CENPE: variants seen among roughly 807,000 people sequenced by gnomAD.
CENPE encodes centromere-associated protein E.
A neutral mutation model predicts 336.1 loss-of-function variants in CENPE; 145 were observed. That is an observed-to-expected ratio of 0.43 (90% confidence interval 0.38 to 0.50). CENPE has a LOEUF of 0.50. Ranked by LOEUF, CENPE falls within the 20% of genes least tolerant of loss-of-function variation. The probability of loss-of-function intolerance (pLI) is 0.00; values close to 1 mark genes in which losing one functional copy is unlikely to be tolerated. For missense variants in CENPE, 2,719 were observed against 3,023.3 expected (o/e 0.90, Z 2.36); for synonymous variants, 1,013 against 984.8 (o/e 1.03, Z -0.54).
chr4:103,114,901 G>T (rs1749943456), intron 45 of CENPE, among the ~76,000 whole-genome samples: 2 of 152,176 alleles, frequency 1.3e-5, no homozygotes, highest in Non-Finnish European at 2.9e-5. Context: ...GGTATAAGGA[G>T]CATGAAAGAG....
intron 14 of CENPE, 87 bp from the exon 15 acceptor site, chr4:103,176,135 T>A (rs1362737546): frequency 2.6e-5 from 19 of 722,226 alleles, no homozygotes; most frequent in Non-Finnish European, 3.7e-5. Context: ...AAAATTCTTA[T>A]CAGAGATACT....
At chr4:103,127,874 A>C (rs1751264241) in intron 42 of CENPE, among the ~76,000 whole-genome samples, 1 of 152,176 alleles carries the variant, frequency 6.6e-6, no homozygotes. Flanking sequence ...ACAAAGAATA[A>C]GGGCAAAAAA....
Position 103,145,104 on chromosome 4 carries a change from G to A in CENPE, c.4803C>T (p.Ala1601=), listed in dbSNP as rs376664769. ...EKEEMKRVQE[A]LQIERDQLKE... ...TCAGTTGGTCTCTCTCTATCTGAAG[G>A]GCCTCCTGTACTCTTTTCATTTCCT... Residue 1601 remains alanine, a synonymous_variant, in exon 32 of 49, where the codon GCC becomes GCT. Coordinates refer to ENST00000265148, the MANE Select transcript of CENPE (RefSeq NM_001813.3). 6.3e-6 allele frequency: 10 copies of A among 1,590,948 alleles called. No individual in the cohort carries two copies. The highest frequency in any genetic ancestry group is 1.4e-5 in the African/African-American group (1 of 73,136).
chr4:103,183,379 G>A, intron 9 of CENPE, 91 bp from the exon 10 acceptor site: 1 of 963,396 alleles, frequency 1.0e-6, no homozygotes, highest in Non-Finnish European at 1.6e-6. Flanking sequence ...AGAAATTAGA[G>A]GGCAGATGCT....
chr4:103,197,183 A>G (rs1391364195), intron 1 of CENPE, among the ~76,000 whole-genome samples: 1 of 152,218 alleles, frequency 6.6e-6, no homozygotes, highest in Non-Finnish European at 1.5e-5. Context: ...GCAGGGCACG[A>G]GTCCTAGATC....
rs764998690 is a variant in CENPE, at chr4:103,140,431, A to C, written c.5755-17T>G. On this transcript the variant is annotated splice_polypyrimidine_tract_variant and intron_variant, in intron 36 of 48. Transcript: ENST00000265148. ...TTCCAGATCCTTTATGGTTAGAAGA[A>C]ATCAAGAAATGTAATGATATAAAGG... 8 of 1,523,016 alleles carry C rather than the reference A, an allele frequency of 5.3e-6. No homozygotes were observed. The highest frequency in any genetic ancestry group is 6.2e-6 in the Non-Finnish European group (7 of 1,132,316). The allele number at this position is 1,523,016 out of a possible 1,614,324, so 94.3% of individuals were successfully genotyped here.
At chr4:103,128,469 T>G (rs1751320540) in intron 42 of CENPE, among the ~76,000 whole-genome samples, 1 of 152,160 alleles carries the variant, frequency 6.6e-6, no homozygotes, top group Non-Finnish European at 1.5e-5. Flanking sequence ...ATATTATATA[T>G]TCTTCTCAAA....
intron 42 of CENPE, among the ~76,000 whole-genome samples, chr4:103,130,142 CTG>C (rs1471964134): frequency 6.6e-6 from 1 of 152,170 alleles, no homozygotes; most frequent in Non-Finnish European, 1.5e-5. Flanking sequence ...GTTTTCAACA[CTG>C]TACTGGAAGT....
intron 30 of CENPE, 68 bp from the exon 31 acceptor site, chr4:103,145,749 C>T: frequency 2.7e-6 from 4 of 1,508,184 alleles, no homozygotes; most frequent in South Asian, 2.6e-5. Flanking sequence ...TAATTAACTC[C>T]CCTTTCCAAA....
intron 16 of CENPE, among the ~76,000 whole-genome samples, chr4:103,173,812 A>G (rs1407125939): frequency 6.6e-6 from 1 of 152,028 alleles, no homozygotes; most frequent in Non-Finnish European, 1.5e-5. Context: ...AATCAAAACC[A>G]CAGTGAGGTA....
rs11315612 is a variant in CENPE at position 103,163,608 on chromosome 4, C to CAAAAAAAAAAAAAAAAAAA, written c.1648-56_1648-55insTTTTTTTTTTTTTTTTTTT. 4.3e-5 allele frequency: 13 copies of CAAAAAAAAAAAAAAAAAAA among 304,440 alleles called. 1 individual carries two copies. Among genetic ancestry groups the CAAAAAAAAAAAAAAAAAAA allele is most frequent in the Non-Finnish European group, 3.3e-5 (6 of 182,322 alleles). 18.9% of individuals were successfully genotyped at this position (304,440 alleles called of 1,614,324 possible). On this transcript the variant is annotated intron_variant, in intron 16 of 48. Transcript: ENST00000265148. ...CAAACCAATAGTTAATAAAGCAAAG[C>CAAAAAAAAAAAAAAAAAAA]AAAAAAAAAAAAAAAAAGAAAAAGA... is the stretch of plus-strand genomic sequence containing the variant.
intron 8 of CENPE, among the ~76,000 whole-genome samples, chr4:103,187,385 G>A (rs1263312841): frequency 6.6e-6 from 1 of 152,152 alleles, no homozygotes; most frequent in East Asian, 1.9e-4. Context: ...AAAATGTTAA[G>A]GGCAGCCAGA....
chr4:103,194,373 C>T lies in CENPE; in HGVS notation c.627+1G>A, dbSNP rs1171806885. The T allele has an allele frequency of 6.2e-7, 1 of 1,609,526 alleles. No individual in the cohort carries two copies. Among genetic ancestry groups the T allele is most frequent in the Non-Finnish European group, 8.5e-7 (1 of 1,176,740 alleles). Reference sequence around the variant, plus strand: ...TCTAACAGATAGATAGAATTACCTACCATCCTAAAGATGGTATGAGAACGA... The same window carrying T: ...TCTAACAGATAGATAGAATTACCTATCATCCTAAAGATGGTATGAGAACGA... On this transcript the variant is annotated splice_donor_variant, in intron 7 of 48. Transcript: ENST00000265148. LOFTEE classifies it high-confidence loss of function.
intron 42 of CENPE, among the ~76,000 whole-genome samples, chr4:103,127,114 C>CAAAAA (rs1246212242): frequency 2.4e-5 from 3 of 123,110 alleles, no homozygotes; most frequent in Non-Finnish European, 5.5e-5. Context: ...AAAAAAAAAC[C>CAAAAA]AAAAAAACCC....
intron 28 of CENPE, 42 bp downstream of exon 28, chr4:103,148,802 G>A: frequency 1.3e-6 from 2 of 1,562,480 alleles, no homozygotes; most frequent in Non-Finnish European, 1.7e-6. Context: ...AAGGAGAAAG[G>A]AAGGAAGAAG....
Position 103,144,476 on chromosome 4 carries a change from T to G in CENPE, c.5000A>C (p.Asn1667Thr), listed in dbSNP as rs747263590. 10 of 1,614,176 alleles carry G rather than the reference T, an allele frequency of 6.2e-6. No individual in the cohort carries two copies. Among genetic ancestry groups the G allele is most frequent in the Non-Finnish European group, 8.5e-6 (10 of 1,180,024 alleles). ...KLNLENIETENIRLTQILHEN... is the reference protein window; with the variant it reads ...KLNLENIETETIRLTQILHEN... Reference sequence around the variant, plus strand: ...ATGTAGTATCTGAGTCAACCTTATATTCTCCGTTTCTATGTTTTCCAGGTT... The same window carrying G: ...ATGTAGTATCTGAGTCAACCTTATAGTCTCCGTTTCTATGTTTTCCAGGTT... The change falls in exon 33 of 49, where the codon AAT becomes ACT. Residue 1667 changes from asparagine to threonine, a missense_variant. Physicochemically the swap from Asn to Thr is moderately conservative, Grantham distance 65. Around this residue, in one of 5 missense-constraint regions of CENPE, gnomAD observed 2,437 missense variants for 2,513.3 expected, o/e 0.97. Transcript: ENST00000265148.
chr4:103,145,098 C>G lies in CENPE; in HGVS notation c.4809G>C (p.Gln1603His). 2 of 1,585,702 alleles carry G rather than the reference C, an allele frequency of 1.3e-6. No individual in the cohort carries two copies. Among genetic ancestry groups the G allele is most frequent in the Non-Finnish European group, 1.7e-6 (2 of 1,168,522 alleles). ...EEMKRVQEAL[Q>H]IERDQLKENT... is the part of the protein sequence containing the mutation. ...TTTCTTTCAGTTGGTCTCTCTCTAT[C>G]TGAAGGGCCTCCTGTACTCTTTTCA... Residue 1603 changes from glutamine to histidine, a missense_variant, in exon 32 of 49, where the codon CAG becomes CAC. By Grantham distance (24) the Gln-to-His change is conservative. This residue lies in a region of CENPE where 2,437 missense variants were observed against 2,513.3 expected (regional missense o/e 0.97). Coordinates refer to ENST00000265148, the MANE Select transcript of CENPE (RefSeq NM_001813.3).
intron 34 of CENPE, 105 bp from the exon 35 acceptor site, chr4:103,142,013 A>G (rs967881874): frequency 9.9e-6 from 7 of 710,586 alleles, no homozygotes; most frequent in Admixed American, 6.6e-5. Context: ...CTGTTACTCT[A>G]TATCTTTGCT....
At chr4:103,118,777 A>G (rs1750363062) in intron 44 of CENPE, among the ~76,000 whole-genome samples, 1 of 152,178 alleles carries the variant, frequency 6.6e-6, no homozygotes. Context: ...TGATCAGACT[A>G]TCCTTTTCCC....
Sources: allele counts gnomAD v4.1 joint callset (sites outside exome capture counted in the v4.1 genomes callset), GRCh38; gene constraint gnomAD v4.1.1; regional missense constraint gnomAD v4.1.1; transcripts MANE v1.5; gene names NCBI Gene and HGNC (gene_info 2026-07-23, HGNC 2026-07-21).